Variants in ARL3 observed in about 807,000 individuals in gnomAD.
ARL3 encodes ARF like GTPase 3, also known as ADP-ribosylation factor-like protein 3.
Under a neutral mutation model 26.0 loss-of-function variants are expected in ARL3, and 9 were observed. The observed-to-expected ratio is 0.35, with a 90% CI of 0.21 to 0.60. The LOEUF (loss-of-function observed/expected upper bound fraction) is 0.60, where lower values mean the gene tolerates loss of function less well. Ranked by LOEUF, ARL3 falls within the 20% of genes least tolerant of loss-of-function variation. The pLI is 0.78. For synonymous variants in ARL3, 71 were observed against 78.4 expected, an observed-to-expected ratio of 0.91 and a Z score of 0.50; for missense variants, 158 against 215.7, an observed-to-expected ratio of 0.73 and a Z score of 1.67.
intron 3 of ARL3, among the ~76,000 whole-genome samples, chr10:102,696,023 G>A (rs946155295): frequency 1.3e-5 from 2 of 151,676 alleles, no homozygotes; most frequent in Non-Finnish European, 2.9e-5. Context: ...GAGTGCAGTG[G>A]TGCAATCTTG....
intron 2 of ARL3, among the ~76,000 whole-genome samples, chr10:102,704,151 CAAAA>C (rs56326932): frequency 6.5e-5 from 3 of 46,092 alleles, no homozygotes; most frequent in African/African-American, 9.3e-5. Context: ...ACTCTGTCTC[CAAAA>C]AAAAAAAAAA....
At chr10:102,691,743 G>T (rs1006593235) in intron 3 of ARL3, among the ~76,000 whole-genome samples, 10 of 152,182 alleles carry the variant, frequency 6.6e-5, no homozygotes, top group African/African-American at 2.4e-4. Context: ...GGCAACTCTT[G>T]TGTCAAGCCT....
At chr10:102,707,314 AAAAAAG>A (rs2064315351) in intron 1 of ARL3, among the ~76,000 whole-genome samples, 1 of 152,106 alleles carries the variant, frequency 6.6e-6, no homozygotes, top group South Asian at 2.1e-4. Flanking sequence ...AAAAAAAAAG[AAAAAAG>A]AAAAAGAAAA....
intron 3 of ARL3, among the ~76,000 whole-genome samples, chr10:102,697,070 T>C (rs1423837785): frequency 6.6e-6 from 1 of 152,180 alleles, no homozygotes. Flanking sequence ...TATCGAATAC[T>C]GCAGGCAACT....
intron 4 of ARL3, among the ~76,000 whole-genome samples, chr10:102,686,702 T>C: frequency 6.6e-6 from 1 of 151,408 alleles, no homozygotes; most frequent in African/African-American, 2.4e-5. Context: ...TGGCCTCAAG[T>C]GATCTGCCCG....
intron 3 of ARL3, among the ~76,000 whole-genome samples, chr10:102,693,061 G>A (rs140702899): frequency 0.014 from 2,160 of 152,238 alleles, 24 homozygotes; most frequent in Middle Eastern, 0.034. Context: ...TCTACTATAC[G>A]GGTGTACCAC....
At chr10:102,692,477 G>A (rs1334713585) in intron 3 of ARL3, among the ~76,000 whole-genome samples, 1 of 152,168 alleles carries the variant, frequency 6.6e-6, no homozygotes, top group African/African-American at 2.4e-5. Flanking sequence ...GTGCAGTAGT[G>A]TGATCTCGGC....
intron 1 of ARL3, among the ~76,000 whole-genome samples, chr10:102,705,856 C>G (rs1220056728): frequency 7.2e-5 from 11 of 152,200 alleles, no homozygotes; most frequent in South Asian, 6.2e-4. Context: ...TTGTATTTTT[C>G]TCCTTTACTA....
At chr10:102,678,231 C>T (rs1315730618) in intron 5 of ARL3, among the ~76,000 whole-genome samples, 1 of 152,130 alleles carries the variant, frequency 6.6e-6, no homozygotes, top group Non-Finnish European at 1.5e-5. Flanking sequence ...CAGCACCTGG[C>T]AGCAGCAGGG....
intron 3 of ARL3, among the ~76,000 whole-genome samples, chr10:102,698,913 C>A (rs918523122): frequency 1.3e-5 from 2 of 152,224 alleles, no homozygotes; most frequent in South Asian, 2.1e-4. Context: ...TAAGATAATT[C>A]TTGAAGCAGC....
intron 1 of ARL3, among the ~76,000 whole-genome samples, chr10:102,713,697 C>T (rs536777368): frequency 2.0e-5 from 3 of 152,310 alleles, no homozygotes; most frequent in Admixed American, 1.3e-4. Context: ...TAAAATCCAC[C>T]AGGCATCCCT....
intron 2 of ARL3, among the ~76,000 whole-genome samples, chr10:102,701,153 C>T (rs973586509): frequency 5.3e-5 from 8 of 152,138 alleles, no homozygotes; most frequent in African/African-American, 1.9e-4. Flanking sequence ...AATTAACAAG[C>T]CCTTTGGGGT....
At chr10:102,699,599 T>C (rs1429468555) in intron 2 of ARL3, 110 bp from the exon 3 acceptor site, 1 of 625,400 alleles carries the variant, frequency 1.6e-6, no homozygotes, top group Non-Finnish European at 2.8e-6. Flanking sequence ...CTCTGCCATA[T>C]GTGATACTGG....
rs2064116950 is a variant in ARL3 at position 102,673,901 on chromosome 10, T to G, written c.*2993A>C. 1.3e-5 allele frequency: 2 copies of G among 151,266 alleles called. No homozygotes were observed. Among genetic ancestry groups the G allele is most frequent in the African/African-American group, 4.9e-5 (2 of 40,894 alleles). The allele number at this position is 151,266 out of a possible 1,614,324, so 9.4% of individuals were successfully genotyped here. ...GACTGAACCCTGAAACCACATGGAG[T>G]GCAGAGCTAAAAATAAAAGGAAGTA... is the stretch of plus-strand genomic sequence containing the variant. On this transcript the variant is annotated 3_prime_UTR_variant, in exon 6 of 6. Coordinates refer to ENST00000260746, the MANE Select transcript of ARL3 (RefSeq NM_004311.4).
At chr10:102,701,773 C>G (rs945242037) in intron 2 of ARL3, among the ~76,000 whole-genome samples, 10 of 152,014 alleles carry the variant, frequency 6.6e-5, no homozygotes, top group Non-Finnish European at 1.3e-4. Flanking sequence ...CCCAACAAAT[C>G]TAGGAATTTA....
chr10:102,683,930 C>G (rs1049969591), intron 5 of ARL3, among the ~76,000 whole-genome samples: 2 of 152,222 alleles, frequency 1.3e-5, no homozygotes, highest in Non-Finnish European at 2.9e-5. Flanking sequence ...TTCTAGATTA[C>G]TCTAGTTCTC....
chr10:102,696,062 C>T (rs2064245515), intron 3 of ARL3, among the ~76,000 whole-genome samples: 1 of 151,858 alleles, frequency 6.6e-6, no homozygotes, highest in Non-Finnish European at 1.5e-5. Flanking sequence ...CTCCCAGGTT[C>T]ATGCCATTCT....
At position 102,703,425 on chromosome 10, in the gene ARL3, C is replaced by CTTTTTTTT. The variant is rs57721161; in HGVS notation, c.147+1913_147+1920dup. ...ATGAGCCATGGTGCCCAGGACTTGT[C>CTTTTTTTT]TTTTTTTTTTTTTTTTTTTTTTTTT... On this transcript the variant is annotated intron_variant, in intron 2 of 5. Coordinates refer to ENST00000260746, the MANE Select transcript of ARL3 (RefSeq NM_004311.4). 1.0e-3 allele frequency among the ~76,000 whole-genome samples: 50 copies of CTTTTTTTT among 48,484 alleles called. 11 individuals carry two copies. The highest frequency in any genetic ancestry group is 1.4e-3 in the Non-Finnish European group (37 of 26,542). 31.8% of individuals were successfully genotyped at this position (48,484 alleles called of 152,430 possible).
At chr10:102,695,335 G>A (rs991352984) in intron 3 of ARL3, among the ~76,000 whole-genome samples, 3 of 152,162 alleles carry the variant, frequency 2.0e-5, no homozygotes, top group Non-Finnish European at 4.4e-5. Flanking sequence ...GGTCCTGAAT[G>A]TATTTTGTTA....
Sources: allele counts gnomAD v4.1 joint callset (sites outside exome capture counted in the v4.1 genomes callset), GRCh38; gene constraint gnomAD v4.1.1; transcripts MANE v1.5; gene names NCBI Gene and HGNC (gene_info 2026-07-23, HGNC 2026-07-21).